The following SENP1 variants were observed in gnomAD, a reference collection of about 807,000 sequenced individuals.
SENP1 encodes SUMO specific peptidase 1, also known as sentrin-specific protease 1.
SENP1 carries 21 observed loss-of-function variants against 93.0 expected under a neutral mutation model. The observed-to-expected ratio is 0.23, with a 90% CI of 0.16 to 0.33. SENP1 has a LOEUF of 0.33. SENP1 is among the 10% of genes least tolerant of loss of function. The pLI, the probability that SENP1 is intolerant of heterozygous loss-of-function variation, is 1.00. For synonymous variants in SENP1, 256 were observed against 259.6 expected (o/e 0.99, Z 0.13); for missense variants, 591 against 758.7 (o/e 0.78, Z 2.60).
At chr12:48,066,991 A>G in intron 9 of SENP1, 26 bp from the exon 10 acceptor site, 1 of 1,488,386 alleles carries the variant, frequency 6.7e-7, no homozygotes. Context: ...GAAAAATTTG[A>G]CAAATGAGCA....
intron 3 of SENP1, chr12:48,097,777 G>A (rs1202555984): frequency 1.5e-5 from 6 of 396,532 alleles, no homozygotes; most frequent in South Asian, 9.5e-5. Flanking sequence ...TTTCTAAAAC[G>A]TACTGTTCTC....
chr12:48,096,065 C>A (rs1470244626), intron 4 of SENP1, among the ~76,000 whole-genome samples: 1 of 152,110 alleles, frequency 6.6e-6, no homozygotes, highest in Admixed American at 6.5e-5. Context: ...AAAAAAAGGT[C>A]AAAAACAAAG....
chr12:48,104,234 TAG>T (rs58228829), intron 1 of SENP1, among the ~76,000 whole-genome samples: 40,762 of 65,904 alleles, frequency 0.62, 12,820 homozygotes, highest in East Asian at 0.9. Flanking sequence ...AAAATATATA[TAG>T]AGAGAGAGAG....
At chr12:48,071,567 G>T (rs1028706340) in intron 9 of SENP1, 100 bp downstream of exon 9, 4 of 771,142 alleles carry the variant, frequency 5.2e-6, no homozygotes, top group Admixed American at 2.3e-5. Context: ...AGTGAACCAA[G>T]ATCGCGCCAC....
chr12:48,081,556 GTT>G (rs1944490218), intron 6 of SENP1: 3 of 141,662 alleles, frequency 2.1e-5, no homozygotes, highest in African/African-American at 7.9e-5. Context: ...CCACTTGAAT[GTT>G]GGTGTTTTTT....
intron 11 of SENP1, 49 bp downstream of exon 11, chr12:48,065,547 A>T (rs547782748): frequency 3.7e-5 from 46 of 1,252,784 alleles, no homozygotes; most frequent in Non-Finnish European, 4.8e-5. Flanking sequence ...AATAGTTTCT[A>T]CTTTGATGTA....
intron 4 of SENP1, among the ~76,000 whole-genome samples, chr12:48,093,825 G>C (rs997464085): frequency 6.6e-6 from 1 of 152,046 alleles, no homozygotes; most frequent in Non-Finnish European, 1.5e-5. Context: ...AATTAGCTAG[G>C]CATGCTGGCA....
rs1187991849 is a variant in SENP1 at position 48,104,271 on chromosome 12, G to C, written c.-45+1757C>G. On this transcript the variant is annotated intron_variant, in intron 1 of 17. Coordinates refer to ENST00000549518, the MANE Select transcript of SENP1 (RefSeq NM_001267594.2). ...GAGAGAGAGACGGGGGGGGGGGGGG[G>C]GGCGGAGGGAGGGAGAGAGAGAGAG... Among the ~76,000 whole-genome samples the C allele has an allele frequency of 1.2e-4, 7 of 59,796 alleles. 2 individuals are homozygous for C. The highest frequency in any genetic ancestry group is 2.4e-4 in the Non-Finnish European group (6 of 24,962). 39.2% of individuals were successfully genotyped at this position (59,796 alleles called of 152,430 possible).
intron 6 of SENP1, among the ~76,000 whole-genome samples, chr12:48,078,334 T>TACACACAC (rs1555182749): frequency 7.4e-5 from 5 of 67,890 alleles, no homozygotes; most frequent in Non-Finnish European, 1.2e-4. Flanking sequence ...TATATATATA[T>TACACACAC]ACACACACAT....
At position 48,088,914 on chromosome 12, in the gene SENP1, G is replaced by C. The variant is rs776637068; in HGVS notation, c.267C>G (p.Thr89=). 2 of 1,598,296 alleles carry C rather than the reference G, an allele frequency of 1.3e-6. No individual in the cohort carries two copies. The highest frequency in any genetic ancestry group is 2.3e-5 in the South Asian group (2 of 88,776). The change falls in exon 5 of 18, where the codon ACC becomes ACG. Residue 89 remains threonine, a synonymous_variant. Transcript: ENST00000549518. The part of the protein sequence containing the change: ...DSFLGSGDLR[T]FGQSANGQWR... ...ATTGGCCATTTGCACTCTGGCCAAA[G>C]GTTCTTAAATCGCCTGAGCCAAGAA... is the stretch of plus-strand genomic sequence containing the variant.
intron 2 of SENP1, among the ~76,000 whole-genome samples, chr12:48,101,111 C>A (rs1444835038): frequency 6.6e-6 from 1 of 152,016 alleles, no homozygotes; most frequent in Non-Finnish European, 1.5e-5. Context: ...CATGGCGAAA[C>A]CCCGTCTCTA....
At chr12:48,062,464 T>C (rs1362651487) in intron 13 of SENP1, among the ~76,000 whole-genome samples, 3 of 152,222 alleles carry the variant, frequency 2.0e-5, no homozygotes, top group African/African-American at 7.2e-5. Flanking sequence ...GTCACAGATA[T>C]TATTCAGGGA....
intron 4 of SENP1, among the ~76,000 whole-genome samples, chr12:48,090,440 T>A (rs1316159238): frequency 6.6e-6 from 1 of 152,214 alleles, no homozygotes; most frequent in East Asian, 1.9e-4. Flanking sequence ...TGACAGAGAC[T>A]GCAGCTTTAA....
At chr12:48,066,552 C>T (rs1331760903) in intron 10 of SENP1, among the ~76,000 whole-genome samples, 2 of 150,514 alleles carry the variant, frequency 1.3e-5, no homozygotes, top group African/African-American at 4.9e-5. Context: ...TACTCTGTTG[C>T]CCAGGCTGGA....
chr12:48,069,733 A>G (rs1943550866), intron 9 of SENP1, among the ~76,000 whole-genome samples: 1 of 152,226 alleles, frequency 6.6e-6, no homozygotes, highest in South Asian at 2.1e-4. Context: ...CCAAAGCTAC[A>G]TGAAGCCTTT....
intron 17 of SENP1, 51 bp from the exon 18 acceptor site, chr12:48,045,435 G>C (rs1941292544): frequency 6.8e-7 from 1 of 1,461,430 alleles, no homozygotes; most frequent in Admixed American, 1.7e-5. Flanking sequence ...GTCTAGACCT[G>C]ATACGCCTTT....
rs530588706 is a variant in SENP1, at chr12:48,063,950, G to A, written c.1276-109C>T. The A allele has an allele frequency of 2.8e-5, 30 of 1,067,486 alleles. 1 individual carries two copies. In the South Asian group the frequency reaches 4.3e-4, roughly 15 times the overall value. 66.1% of individuals were successfully genotyped at this position (1,067,486 alleles called of 1,614,324 possible). A position where few individuals can be genotyped will look rare whatever the true frequency, so the allele number is the denominator to read the frequency against. ...AGACTATATTTATCACCATTCGATTGTTTATAAATTTACTGTTAATCAGTT... is the reference window on the plus strand; with the variant it reads ...AGACTATATTTATCACCATTCGATTATTTATAAATTTACTGTTAATCAGTT... On this transcript the variant is annotated intron_variant, in intron 12 of 17. Coordinates refer to ENST00000549518, the MANE Select transcript of SENP1 (RefSeq NM_001267594.2).
In SENP1 at chr12:48,074,305, T is replaced by C. The variant is rs758013740; in HGVS notation, c.940+19A>G. On this transcript the variant is annotated intron_variant, in intron 8 of 17. Coordinates refer to ENST00000549518, the MANE Select transcript of SENP1 (RefSeq NM_001267594.2). The stretch of plus-strand genomic sequence containing the variant: ...TGGCTATTAGGACTAAAAATGTAGT[T>C]ATATGATACCATGTTTACCTTCAGA... The C allele has an allele frequency of 3.8e-6, 6 of 1,591,878 alleles. No individual in the cohort carries two copies. In the East Asian group the frequency reaches 1.3e-4, roughly 36 times the overall value.
Position 48,048,069 on chromosome 12 carries a change from A to G in SENP1, c.1623T>C (p.Phe541=), listed in dbSNP as rs756851101. The G allele has an allele frequency of 1.2e-5, 19 of 1,601,684 alleles. No homozygotes were observed. The highest frequency in any genetic ancestry group is 7.7e-5 in the South Asian group (7 of 90,774). ...GVHWCLAVVD[F]RKKNITYYDS... is the part of the protein sequence containing the mutation. Reference sequence around the variant, plus strand: ...CGTAATAGGTAATATTCTTCTTTCTAAAGTCCACAACCTGAGAATAAGAAA... The same window carrying G: ...CGTAATAGGTAATATTCTTCTTTCTGAAGTCCACAACCTGAGAATAAGAAA... The change falls in exon 15 of 18, where the codon TTT becomes TTC. Residue 541 remains phenylalanine, a synonymous_variant. Transcript: ENST00000549518.
Sources: allele counts gnomAD v4.1 joint callset (sites outside exome capture counted in the v4.1 genomes callset), GRCh38; gene constraint gnomAD v4.1.1; transcripts MANE v1.5; gene names NCBI Gene and HGNC (gene_info 2026-07-23, HGNC 2026-07-21).